The following PFKFB3 variants were observed in gnomAD, a reference collection of about 807,000 sequenced individuals.
The protein encoded by PFKFB3 is 6-phosphofructo-2-kinase/fructose-2,6-bisphosphatase 3.
PFKFB3 carries 33 observed loss-of-function variants against 68.0 expected under a neutral mutation model. The ratio of observed to expected loss-of-function variants is 0.49; its 90% confidence interval spans 0.37 to 0.65. The LOEUF (loss-of-function observed/expected upper bound fraction) is 0.65. Among genes scored for constraint, PFKFB3 ranks in the 30% least tolerant of loss-of-function variants. The pLI, the probability that PFKFB3 is intolerant of heterozygous loss-of-function variation, is 0.00. For missense variants in PFKFB3, 586 were observed against 712.2 expected (o/e 0.82, Z 2.02); for synonymous variants, 315 against 288.2 (o/e 1.09, Z -0.94).
the PFKFB3 span, among the ~76,000 whole-genome samples, chr10:6,317,388 G>A: frequency 7.2e-5 from 11 of 152,166 alleles, no homozygotes; most frequent in African/African-American, 2.2e-4. Context: ...TGAGAAGCAG[G>A]AGAGCTGACA....
At chr10:6,226,424 G>C in intron 14 of PFKFB3, 59 bp downstream of exon 14, 2 of 1,516,506 alleles carry the variant, frequency 1.3e-6, no homozygotes, top group Non-Finnish European at 1.8e-6. Context: ...TGATGCCACA[G>C]ATCTGGGATT....
intron 1 of PFKFB3, among the ~76,000 whole-genome samples, chr10:6,170,945 A>G (rs1381344645): frequency 6.6e-6 from 1 of 152,160 alleles, no homozygotes. Context: ...AGCTGGGAAG[A>G]CAGGATACCC....
At chr10:6,146,636 G>C in intron 1 of PFKFB3, 1 of 826,654 alleles carries the variant, frequency 1.2e-6, no homozygotes, top group Non-Finnish European at 1.9e-6. Flanking sequence ...GTAGGCTCTG[G>C]TTGGGAAACT....
At chr10:6,150,680 T>C (rs982428141) in intron 1 of PFKFB3, among the ~76,000 whole-genome samples, 3 of 151,884 alleles carry the variant, frequency 2.0e-5, no homozygotes, top group Admixed American at 2.0e-4. Context: ...ATGATGGCAT[T>C]TCCCCATGCG....
chr10:6,253,100 A>C lies in PFKFB3; in HGVS notation c.1516-1078A>C, dbSNP rs914168167. 9.9e-5 allele frequency among the ~76,000 whole-genome samples: 15 copies of C among 152,162 alleles called. 1 individual carries two copies. The highest frequency in any genetic ancestry group is 5.2e-4 in the Admixed American group (8 of 15,286). On this transcript the variant is annotated intron_variant, in intron 14 of 14. Coordinates refer to the PFKFB3 transcript ENST00000640683. ...ACCCAGCTAATTTTTGTGTATTTTT[A>C]GTAGAGACGGGGTTTCACCATCTTG...
At chr10:6,245,205 T>C (rs555474528) in intron 14 of PFKFB3, among the ~76,000 whole-genome samples, 23 of 152,156 alleles carry the variant, frequency 1.5e-4, no homozygotes, top group Non-Finnish European at 3.1e-4. Context: ...CAAGCAATTC[T>C]CCTTCCTCAG....
the PFKFB3 span, among the ~76,000 whole-genome samples, chr10:6,311,517 G>A: frequency 6.5e-4 from 99 of 152,216 alleles, 2 homozygotes; most frequent in East Asian, 0.018. Flanking sequence ...GGGAAGCTGG[G>A]GCAGGCGAAT....
the PFKFB3 span, among the ~76,000 whole-genome samples, chr10:6,265,281 A>C: frequency 6.6e-6 from 1 of 151,898 alleles, no homozygotes; most frequent in East Asian, 1.9e-4. Flanking sequence ...GGGTTTCACC[A>C]TGTTGGCCAG....
chr10:6,260,424 A>C, the PFKFB3 span, among the ~76,000 whole-genome samples: 5 of 151,996 alleles, frequency 3.3e-5, no homozygotes, highest in African/African-American at 1.2e-4. Flanking sequence ...AAAAAAAAAA[A>C]AAAAAAAAAA....
upstream of PFKFB3, among the ~76,000 whole-genome samples, chr10:6,201,222 G>A (rs1269902658): frequency 6.6e-6 from 1 of 151,412 alleles, no homozygotes; most frequent in African/African-American, 2.4e-5. This position sits in a 1 kb window ranked among gnomAD's most constrained non-coding sequence, Gnocchi z 4.1. Flanking sequence ...TTCCCTCTTC[G>A]GGTCAGCCCA....
chr10:6,233,007 C>G lies in PFKFB3; in HGVS notation c.*65C>G. The G allele has an allele frequency of 2.4e-6, 3 of 1,259,724 alleles. No homozygotes were observed. The Admixed American group carries it at 5.1e-5, about 21-fold the overall frequency. The allele number at this position is 1,259,724 out of a possible 1,614,324, so 78.0% of individuals were successfully genotyped here. A position where few individuals can be genotyped will look rare whatever the true frequency, so the allele number is the denominator to read the frequency against. On this transcript the variant is annotated 3_prime_UTR_variant, in exon 15 of 15. Coordinates refer to ENST00000379775, the MANE Select transcript of PFKFB3 (RefSeq NM_004566.4). ...CTTAGCTTGTGTCCTGCCCTCCGCC[C>G]GAGGCAAAACGTATCCTGAGGACTT... is the stretch of plus-strand genomic sequence containing the variant.
chr10:6,216,113 T>C lies in PFKFB3; in HGVS notation c.300-12T>C. ...CGGCGCTGACATTCGGGCAATGTCT[T>C]GTGCATTCCAGGCAATGTGCCTTAG... On this transcript the variant is annotated splice_polypyrimidine_tract_variant and intron_variant, in intron 3 of 14. Transcript: ENST00000379775. The C allele has an allele frequency of 1.2e-6, 2 of 1,613,590 alleles. No individual in the cohort carries two copies. Among genetic ancestry groups the C allele is most frequent in the Non-Finnish European group, 1.7e-6 (2 of 1,179,534 alleles).
upstream of PFKFB3, among the ~76,000 whole-genome samples, chr10:6,199,658 A>ATTTTTTTTTTTTT (rs143309528): frequency 9.7e-3 from 734 of 75,560 alleles, 44 homozygotes; most frequent in African/African-American, 0.033. Context: ...CTATTTTTAA[A>ATTTTTTTTTTTTT]TTTTTTTTTT....
At chr10:6,300,819 C>A in the PFKFB3 span, among the ~76,000 whole-genome samples, 1 of 152,130 alleles carries the variant, frequency 6.6e-6, no homozygotes, top group Non-Finnish European at 1.5e-5. Context: ...GTTCTGGAAG[C>A]CTTGGTTTCT....
chr10:6,214,643 C>T (rs2131942226), intron 2 of PFKFB3, among the ~76,000 whole-genome samples: 1 of 152,082 alleles, frequency 6.6e-6, no homozygotes, highest in African/African-American at 2.4e-5. Context: ...GAACATTGTA[C>T]CCAACTGGTT....
At chr10:6,289,554 A>G in the PFKFB3 span, among the ~76,000 whole-genome samples, 897 of 151,926 alleles carry the variant, frequency 5.9e-3, 3 homozygotes, top group African/African-American at 0.021. Context: ...GTTCTGTTCC[A>G]TTGATCTATA....
At chr10:6,181,418 A>G (rs114697983) in intron 1 of PFKFB3, among the ~76,000 whole-genome samples, 1,560 of 152,368 alleles carry the variant, frequency 0.01, 24 homozygotes, top group African/African-American at 0.036. Flanking sequence ...TGGCCCATCC[A>G]CACAGTGGAA....
chr10:6,236,407 C>A (rs1476672383), downstream of PFKFB3, among the ~76,000 whole-genome samples: 3 of 152,200 alleles, frequency 2.0e-5, no homozygotes, highest in Non-Finnish European at 4.4e-5. Flanking sequence ...TATGCGTGAC[C>A]AGCGTCTTGC....
intron 1 of PFKFB3, among the ~76,000 whole-genome samples, chr10:6,153,045 G>A (rs575094838): frequency 2.0e-5 from 3 of 152,168 alleles, no homozygotes; most frequent in Non-Finnish European, 4.4e-5. Flanking sequence ...AGCTGTGCAT[G>A]GTGGTGGGTG....
Sources: gnomAD v4.1 joint callset for allele counts (sites outside exome capture counted in the v4.1 genomes callset) on GRCh38, gnomAD v4.1.1 for gene constraint, Gnocchi (gnomAD v3.1) non-coding constraint, MANE v1.5 for transcripts, NCBI Gene and HGNC (gene_info 2026-07-23, HGNC 2026-07-21) for gene names.